The following BRINP3 variants were observed in gnomAD, a reference collection of about 807,000 sequenced individuals.
BRINP3 encodes the protein BMP/retinoic acid inducible neural specific 3.
In BRINP3, 19 loss-of-function variants were observed where a neutral mutation model predicts 71.0. The observed-to-expected ratio is 0.27, with a 90% CI of 0.19 to 0.39. The LOEUF (loss-of-function observed/expected upper bound fraction) is 0.39. Among genes scored for constraint, BRINP3 ranks in the 10% least tolerant of loss-of-function variants. The pLI, the probability that BRINP3 is intolerant of heterozygous loss-of-function variation, is 1.00. For missense variants in BRINP3, 959 were observed against 940.8 expected (o/e 1.02, Z -0.25); for synonymous variants, 380 against 337.7 (o/e 1.13, Z -1.37).
intron 7 of BRINP3, among the ~76,000 whole-genome samples, chr1:190,149,715 T>G (rs534531486): frequency 4.2e-4 from 64 of 152,074 alleles, no homozygotes; most frequent in Admixed American, 8.5e-4. Flanking sequence ...TACATTGTTT[T>G]ATATTTGTTT....
chr1:190,473,986 G>A (rs1015479326), intron 1 of BRINP3, among the ~76,000 whole-genome samples: 2 of 147,604 alleles, frequency 1.4e-5, no homozygotes, highest in African/African-American at 5.0e-5. Flanking sequence ...GAATTAATTT[G>A]ATAGTTCAAG....
intron 1 of BRINP3, among the ~76,000 whole-genome samples, chr1:190,469,200 T>C (rs1571397617): frequency 1.3e-5 from 2 of 151,038 alleles, no homozygotes; most frequent in African/African-American, 4.8e-5. Context: ...TCTTCTAAAT[T>C]ACTCCATTTT....
At chr1:190,150,264 CTA>C (rs1553249812) in intron 7 of BRINP3, among the ~76,000 whole-genome samples, 19,990 of 131,686 alleles carry the variant, frequency 0.15, 1,914 homozygotes, top group African/African-American at 0.31. Flanking sequence ...ATGTGCATAT[CTA>C]TGTGTGTGTG....
intron 7 of BRINP3, among the ~76,000 whole-genome samples, chr1:190,135,242 T>G (rs578048866): frequency 6.6e-6 from 1 of 152,070 alleles, no homozygotes; most frequent in Non-Finnish European, 1.5e-5. Flanking sequence ...GCTGCCATGA[T>G]AGAATTTTTA....
chr1:190,257,104 C>T (rs1660731558), intron 4 of BRINP3, among the ~76,000 whole-genome samples: 1 of 152,190 alleles, frequency 6.6e-6, no homozygotes, highest in African/African-American at 2.4e-5. Context: ...TTCCATTCTC[C>T]TGTCAGTTTC....
At chr1:190,131,583 T>A (rs1336453407) in intron 7 of BRINP3, among the ~76,000 whole-genome samples, 1 of 152,084 alleles carries the variant, frequency 6.6e-6, no homozygotes, top group Non-Finnish European at 1.5e-5. Flanking sequence ...AAAAACTTTG[T>A]CATCTGTAGT....
chr1:190,418,399 G>C (rs1673144865), intron 2 of BRINP3, among the ~76,000 whole-genome samples: 1 of 152,012 alleles, frequency 6.6e-6, no homozygotes, highest in South Asian at 2.1e-4. Flanking sequence ...CATTACGTTT[G>C]TGACCCCGTA....
At chr1:190,121,745 T>C (rs896757918) in intron 7 of BRINP3, among the ~76,000 whole-genome samples, 2 of 152,026 alleles carry the variant, frequency 1.3e-5, no homozygotes, top group African/African-American at 4.8e-5. Context: ...AAGGGAGGAA[T>C]AGAAAAGAAA....
intron 2 of BRINP3, among the ~76,000 whole-genome samples, chr1:190,351,612 A>G (rs974768315): frequency 1.1e-4 from 16 of 152,116 alleles, no homozygotes; most frequent in Non-Finnish European, 2.1e-4. Context: ...TGAAAATACA[A>G]TGGTCATTCC....
chr1:190,410,120 G>T (rs1170225278), intron 2 of BRINP3, among the ~76,000 whole-genome samples: 1 of 151,644 alleles, frequency 6.6e-6, no homozygotes, highest in African/African-American at 2.4e-5. Context: ...GCTGTTCAGA[G>T]AGAACAGATT....
At chr1:190,240,634 C>T (rs573041340) in intron 4 of BRINP3, among the ~76,000 whole-genome samples, 112 of 151,708 alleles carry the variant, frequency 7.4e-4, no homozygotes, top group African/African-American at 2.5e-3. Flanking sequence ...CTTTGGGAGG[C>T]CGAGGAGGGG....
intron 6 of BRINP3, among the ~76,000 whole-genome samples, chr1:190,222,921 G>A (rs192508859): frequency 1.5e-4 from 23 of 151,780 alleles, no homozygotes; most frequent in Non-Finnish European, 2.9e-4. Context: ...GGAAAACTTG[G>A]AAGAAATGAA....
At chr1:190,203,461 A>ATGTG (rs35085261) in intron 6 of BRINP3, among the ~76,000 whole-genome samples, 93 of 143,790 alleles carry the variant, frequency 6.5e-4, no homozygotes, top group Non-Finnish European at 1.1e-3. Context: ...GTATATATAT[A>ATGTG]TGTGTGTGTG....
intron 7 of BRINP3, among the ~76,000 whole-genome samples, chr1:190,151,623 T>C (rs1006043664): frequency 6.6e-6 from 1 of 152,194 alleles, no homozygotes; most frequent in Non-Finnish European, 1.5e-5. Context: ...AAATATGTCC[T>C]AGTAAATGAA....
At chr1:190,122,676 A>G (rs1653772470) in intron 7 of BRINP3, among the ~76,000 whole-genome samples, 1 of 152,104 alleles carries the variant, frequency 6.6e-6, no homozygotes, top group Non-Finnish European at 1.5e-5. Flanking sequence ...ACATGTATAC[A>G]TATGTAACAA....
At chr1:190,384,311 A>G (rs957982142) in intron 2 of BRINP3, among the ~76,000 whole-genome samples, 3 of 151,774 alleles carry the variant, frequency 2.0e-5, no homozygotes, top group African/African-American at 7.2e-5. Flanking sequence ...TTTCATTTTC[A>G]CAGAAAGAAA....
chr1:190,470,965 T>C, intron 1 of BRINP3, among the ~76,000 whole-genome samples: 1 of 151,082 alleles, frequency 6.6e-6, no homozygotes, highest in South Asian at 2.1e-4. Flanking sequence ...TATGAATGAA[T>C]ACTTTATTTT....
intron 2 of BRINP3, among the ~76,000 whole-genome samples, chr1:190,378,578 A>C (rs1292684293): frequency 2.0e-5 from 3 of 152,202 alleles, no homozygotes; most frequent in Non-Finnish European, 4.4e-5. Flanking sequence ...ACATTAGTAA[A>C]ATAATTTATC....
intron 2 of BRINP3, among the ~76,000 whole-genome samples, chr1:190,327,115 A>G (rs1435101955): frequency 6.6e-6 from 1 of 151,570 alleles, no homozygotes; most frequent in African/African-American, 2.4e-5. Context: ...CAGGAGTTTG[A>G]GACCAGCTTG....
Sources: gnomAD v4.1 joint callset for allele counts (sites outside exome capture counted in the v4.1 genomes callset) on GRCh38, gnomAD v4.1.1 for gene constraint, MANE v1.5 for transcripts, NCBI Gene and HGNC (gene_info 2026-07-23, HGNC 2026-07-21) for gene names.